The following SRPRB variants were observed in gnomAD, a reference collection of about 807,000 sequenced individuals.
SRPRB encodes the protein signal recognition particle receptor subunit beta.
In SRPRB, 20 loss-of-function variants were observed where a neutral mutation model predicts 31.9. The observed-to-expected ratio is 0.63, with a 90% CI of 0.44 to 0.91. The LOEUF is 0.91. Among genes scored for constraint, SRPRB ranks in the 40% least tolerant of loss-of-function variants. The pLI is 0.00. For synonymous variants in SRPRB, 146 were observed against 132.8 expected, an observed-to-expected ratio of 1.10 and a Z score of -0.68; for missense variants, 321 against 324.9, an observed-to-expected ratio of 0.99 and a Z score of 0.09.
chr3:133,816,223 C>T (rs1049819595), intron 5 of SRPRB, among the ~76,000 whole-genome samples: 1 of 152,208 alleles, frequency 6.6e-6, no homozygotes, highest in African/African-American at 2.4e-5. Flanking sequence ...ACTAGTGGAT[C>T]TCTTCAGGTC....
Position 133,806,588 on chromosome 3 carries a change from T to C in SRPRB, c.155-21T>C, listed in dbSNP as rs545949190. 5 of 1,608,286 alleles carry C rather than the reference T, an allele frequency of 3.1e-6. No individual in the cohort carries two copies. The African/African-American group carries it at 5.3e-5, about 17-fold the overall frequency. ...ATTCCCAAGGCGTAATTTTTGTTGT[T>C]TTTCTCTGTCTATTCCACAGTCTTC... On this transcript the variant is annotated intron_variant, in intron 1 of 6. Transcript: ENST00000678299.
upstream of SRPRB, chr3:133,805,474 G>C (rs1935132240): frequency 5.7e-6 from 1 of 174,418 alleles, no homozygotes; most frequent in Admixed American, 6.3e-5. Flanking sequence ...AATGTTTGTA[G>C]GATGCTTGAG....
chr3:133,806,320 C>T (rs1479673236), intron 1 of SRPRB, among the ~76,000 whole-genome samples: 1 of 152,254 alleles, frequency 6.6e-6, no homozygotes, highest in African/African-American at 2.4e-5. Flanking sequence ...AGGGTCTTGA[C>T]ACCAACTTTC....
upstream of SRPRB, among the ~76,000 whole-genome samples, chr3:133,802,256 A>C (rs577866406): frequency 6.6e-6 from 1 of 152,030 alleles, no homozygotes; most frequent in Admixed American, 6.5e-5. Flanking sequence ...ATAAAAATAA[A>C]AAAACTACCT....
upstream of SRPRB, among the ~76,000 whole-genome samples, chr3:133,804,346 C>T (rs149031163): frequency 5.3e-3 from 811 of 151,754 alleles, 14 homozygotes; most frequent in Admixed American, 0.032. Context: ...CAGAGAGGGA[C>T]GCTCTAAAAG....
In SRPRB at chr3:133,819,762, C is replaced by T; in HGVS notation, c.812C>T (p.Ala271Val). The stretch of plus-strand genomic sequence containing the variant: ...TTGGAGAAATGGCTGGCTAAAATTG[C>T]CTGAGAGGCAGCTCTAAAGCACAAG... ...QDLEKWLAKI[A>V] Residue 271 changes from alanine to valine, a missense_variant, in exon 7 of 7, where the codon GCC (alanine) becomes GTC (valine). Ala to Val is a moderately conservative substitution (Grantham distance 64). Coordinates refer to ENST00000678299, the MANE Select transcript of SRPRB (RefSeq NM_001379313.1). 2 of 1,613,770 alleles carry T rather than the reference C, an allele frequency of 1.2e-6. No individual in the cohort carries two copies. Among genetic ancestry groups the T allele is most frequent in the South Asian group, 2.2e-5 (2 of 91,014 alleles).
downstream of SRPRB, chr3:133,827,383 G>C (rs574420500): frequency 6.5e-6 from 1 of 153,256 alleles, no homozygotes; most frequent in East Asian, 1.9e-4. Flanking sequence ...GCTCAGGGCA[G>C]TGAGTCTGAG....
At chr3:133,827,615 G>T (rs376113060), downstream of SRPRB, 36 of 453,280 alleles carry the variant, frequency 7.9e-5, no homozygotes, top group Middle Eastern at 6.0e-4. Flanking sequence ...TGTCCACAAA[G>T]ACTTCAACTG....
chr3:133,818,213 C>T (rs911300506), intron 6 of SRPRB, among the ~76,000 whole-genome samples: 6 of 151,996 alleles, frequency 3.9e-5, no homozygotes, highest in Non-Finnish European at 8.8e-5. Context: ...TTGGGGAAGC[C>T]AAAACTGTCA....
At chr3:133,802,688 T>C (rs1935079696), upstream of SRPRB, among the ~76,000 whole-genome samples, 1 of 152,212 alleles carries the variant, frequency 6.6e-6, no homozygotes, top group South Asian at 2.1e-4. Flanking sequence ...TGGGTTCCTT[T>C]CCTCATTCTT....
At chr3:133,787,979 C>T (rs1446525636) in intron 1 of SRPRB, 1 of 152,124 alleles carries the variant, frequency 6.6e-6, no homozygotes, top group Non-Finnish European at 1.5e-5. Context: ...CCCATATCCA[C>T]CAGGTTGGTG....
rs1250899251 is a variant in SRPRB at position 133,820,212 on chromosome 3, A to G, written c.*446A>G. The G allele has an allele frequency of 5.5e-6, 1 of 182,620 alleles. No individual in the cohort carries two copies. Among genetic ancestry groups the G allele is most frequent in the East Asian group, 1.3e-4 (1 of 7,706 alleles). 11.3% of individuals were successfully genotyped at this position (182,620 alleles called of 1,614,324 possible). ...CAGTTGCCTCTGAAGTTCACAGGCA[A>G]TACATTGTCTAGTCCTTTGCGAATT... is the stretch of plus-strand genomic sequence containing the variant. On this transcript the variant is annotated 3_prime_UTR_variant, in exon 7 of 7. Coordinates refer to ENST00000678299, the MANE Select transcript of SRPRB (RefSeq NM_001379313.1).
At chr3:133,811,551 T>G (rs1935261953) in intron 4 of SRPRB, among the ~76,000 whole-genome samples, 1 of 151,974 alleles carries the variant, frequency 6.6e-6, no homozygotes, top group African/African-American at 2.4e-5. Context: ...TAGCAGTTTT[T>G]AAATGCCAAC....
chr3:133,796,952 T>C (rs9810872), intron 1 of SRPRB, among the ~76,000 whole-genome samples: 38,645 of 152,144 alleles, frequency 0.25, 5,306 homozygotes, highest in Middle Eastern at 0.32. Flanking sequence ...AAGGGCTTTA[T>C]ATCAGTGTGT....
intron 1 of SRPRB, chr3:133,793,123 A>G (rs765186806): frequency 6.6e-6 from 1 of 152,208 alleles, no homozygotes; most frequent in African/African-American, 2.4e-5. Context: ...GTATTAAAAG[A>G]TAATGAAAGA....
upstream of SRPRB, among the ~76,000 whole-genome samples, chr3:133,801,317 G>GC (rs1163223488): frequency 6.6e-6 from 1 of 152,142 alleles, no homozygotes; most frequent in Non-Finnish European, 1.5e-5. Flanking sequence ...AGTCAGTATC[G>GC]CATGTCCTTC....
At chr3:133,807,631 T>A in intron 2 of SRPRB, 115 bp from the exon 3 acceptor site, 1 of 702,048 alleles carries the variant, frequency 1.4e-6, no homozygotes, top group South Asian at 1.8e-5. Flanking sequence ...CTTTTTCACC[T>A]GTCGGAAGCA....
downstream of SRPRB, among the ~76,000 whole-genome samples, chr3:133,823,276 C>T (rs552734386): frequency 2.6e-5 from 4 of 151,930 alleles, no homozygotes; most frequent in East Asian, 2.0e-4. Flanking sequence ...TTTGTTTTGT[C>T]GAGACAGAGT....
chr3:133,815,447 G>C, intron 4 of SRPRB, 143 bp from the exon 5 acceptor site: 1 of 888,264 alleles, frequency 1.1e-6, no homozygotes, highest in Non-Finnish European at 1.8e-6. Flanking sequence ...TATGTTATAT[G>C]ATAACATATG....
Sources: gnomAD v4.1 joint callset for allele counts (sites outside exome capture counted in the v4.1 genomes callset) on GRCh38, gnomAD v4.1.1 for gene constraint, MANE v1.5 for transcripts, NCBI Gene and HGNC (gene_info 2026-07-23, HGNC 2026-07-21) for gene names.